Variants in NCK1 observed in about 807,000 individuals in gnomAD.
NCK1 encodes the protein SH2/SH3 adapter protein NCK1.
NCK1 carries 19 observed loss-of-function variants against 36.6 expected under a neutral mutation model. The observed-to-expected ratio is 0.52, with a 90% CI of 0.36 to 0.76. The LOEUF is 0.76. Ranked by LOEUF, NCK1 falls within the 30% of genes least tolerant of loss-of-function variation. NCK1 has a pLI of 0.00. For synonymous variants in NCK1, 165 were observed against 156.0 expected (o/e 1.06, Z -0.43); for missense variants, 358 against 445.6 (o/e 0.80, Z 1.77).
intron 1 of NCK1, among the ~76,000 whole-genome samples, chr3:136,881,865 G>A (rs1358595862): frequency 6.6e-6 from 1 of 152,084 alleles, no homozygotes; most frequent in Non-Finnish European, 1.5e-5. Context: ...TTTCTTCCTT[G>A]TTAAGGCTGA....
At position 136,909,261 on chromosome 3, in the gene NCK1, T is replaced by C. The variant is rs150147149; in HGVS notation, c.-18-18723T>C. ...GGGAGTCACTGACTACTCAGAGATA[T>C]CTAGGCAAATGGTGCAAAGAAAATA... is the stretch of plus-strand genomic sequence containing the variant. On this transcript the variant is annotated intron_variant, in intron 1 of 3. Transcript: ENST00000481752. Among the ~76,000 whole-genome samples, 4 of 152,138 alleles carry C rather than the reference T, an allele frequency of 2.6e-5. No homozygotes were observed. In the East Asian group the frequency reaches 7.7e-4, roughly 29 times the overall value.
chr3:136,899,433 T>TTTTA, intron 1 of NCK1: 1 of 278,400 alleles, frequency 3.6e-6, no homozygotes, highest in Non-Finnish European at 7.2e-6. Flanking sequence ...TTTTTTTTTT[T>TTTTA]AAATTTCTTT....
intron 2 of NCK1, among the ~76,000 whole-genome samples, chr3:136,944,704 G>T (rs573217518): frequency 6.6e-6 from 1 of 152,184 alleles, no homozygotes; most frequent in Non-Finnish European, 1.5e-5. Flanking sequence ...CGAGAGTGAG[G>T]ATAATGAGAG....
intron 1 of NCK1, among the ~76,000 whole-genome samples, chr3:136,880,325 C>G (rs2108077049): frequency 6.6e-6 from 1 of 151,886 alleles, no homozygotes; most frequent in East Asian, 1.9e-4. Context: ...GAAGTGGGGT[C>G]TTTACAGAGG....
chr3:136,943,369 A>G (rs887927651), intron 2 of NCK1, among the ~76,000 whole-genome samples: 31 of 152,178 alleles, frequency 2.0e-4, no homozygotes, highest in Non-Finnish European at 1.9e-4. Context: ...AGACTGGATT[A>G]TTTTTATTTG....
At chr3:136,867,103 T>C (rs1265120024) in intron 1 of NCK1, among the ~76,000 whole-genome samples, 2 of 23,750 alleles carry the variant, frequency 8.4e-5, no homozygotes, top group East Asian at 1.6e-3. Context: ...TTTCTTTCTT[T>C]CTTTCTTTCT....
chr3:136,862,813 GC>G (rs1462562335), intron 1 of NCK1, among the ~76,000 whole-genome samples: 1 of 152,254 alleles, frequency 6.6e-6, no homozygotes, highest in Non-Finnish European at 1.5e-5. Context: ...GGAGGCGTCA[GC>G]CTGCGCGGTG....
intron 1 of NCK1, among the ~76,000 whole-genome samples, chr3:136,904,002 T>A (rs913942629): frequency 6.6e-6 from 1 of 152,166 alleles, no homozygotes; most frequent in Non-Finnish European, 1.5e-5. Flanking sequence ...TGTAGGACTT[T>A]CTTAAGCATT....
intron 1 of NCK1, among the ~76,000 whole-genome samples, chr3:136,889,564 G>A (rs992766185): frequency 6.6e-6 from 1 of 151,988 alleles, no homozygotes; most frequent in African/African-American, 2.4e-5. Flanking sequence ...CTGCTGGCTC[G>A]GGCAGCCTGC....
chr3:136,946,687 G>T (rs2108154769), intron 3 of NCK1, among the ~76,000 whole-genome samples: 1 of 151,686 alleles, frequency 6.6e-6, no homozygotes, highest in South Asian at 2.1e-4. Flanking sequence ...GTGTAAGAAG[G>T]TAGTCACTGT....
rs1940789400 is a variant in NCK1 at position 136,945,534 on chromosome 3, T to A, written c.227-49T>A. 4.6e-6 allele frequency: 6 copies of A among 1,310,844 alleles called. No homozygotes were observed. The East Asian group carries it at 9.3e-5, about 20-fold the overall frequency. The allele number at this position is 1,310,844 out of a possible 1,614,324, so 81.2% of individuals were successfully genotyped here. Reference sequence around the variant, plus strand: ...ATAATGAATAAGTTCATTCTTTTGGTAATCATTTTTTTATATTCTCCTCTC... The same window carrying A: ...ATAATGAATAAGTTCATTCTTTTGGAAATCATTTTTTTATATTCTCCTCTC... On this transcript the variant is annotated intron_variant, in intron 2 of 3. Transcript: ENST00000481752.
chr3:136,884,174 A>C (rs1939015674), intron 1 of NCK1, among the ~76,000 whole-genome samples: 1 of 152,090 alleles, frequency 6.6e-6, no homozygotes, highest in Non-Finnish European at 1.5e-5. Context: ...GTGGAAGGAA[A>C]ATGAGGAGCC....
At chr3:136,946,440 T>A (rs979248658) in intron 3 of NCK1, 145 bp downstream of exon 3, 7 of 679,302 alleles carry the variant, frequency 1.0e-5, no homozygotes, top group Non-Finnish European at 1.5e-5. Flanking sequence ...GTTCCAAAGC[T>A]AAAGTCCGCA....
chr3:136,951,154 A>C lies in NCK1; in HGVS notation c.*2701A>C, dbSNP rs1940961422. Among the ~76,000 whole-genome samples, 1 of 152,216 alleles carries C rather than the reference A, an allele frequency of 6.6e-6. No homozygotes were observed. The highest frequency in any genetic ancestry group is 2.4e-5 in the African/African-American group (1 of 41,446). The stretch of plus-strand genomic sequence containing the variant: ...GTTGTTAGAATAAGGTCATTCTTGC[A>C]GAATATGGCACTTAAATTATCTCCA... On this transcript the variant is annotated 3_prime_UTR_variant, in exon 4 of 4. Coordinates refer to ENST00000481752, the MANE Select transcript of NCK1 (RefSeq NM_001291999.2).
rs2108129926 is a variant in NCK1, at chr3:136,928,208, A to G, written c.207A>G (p.Lys69=). The G allele has an allele frequency of 6.2e-7, 1 of 1,613,398 alleles. No homozygotes were observed. The highest frequency in any genetic ancestry group is 8.5e-7 in the Non-Finnish European group (1 of 1,179,888). Residue 69 remains lysine (K), a synonymous_variant, in exon 2 of 4, where the codon AAA becomes AAG. Transcript: ENST00000481752. ...KNSARKASIV[K]NLKDTLGIGK... ...GTGCTCGGAAAGCATCTATTGTGAA[A>G]AACCTAAAGGATACCTTAGGTAAGA... is the stretch of plus-strand genomic sequence containing the variant.
chr3:136,926,704 A>G (rs978516578), intron 1 of NCK1, among the ~76,000 whole-genome samples: 1 of 152,230 alleles, frequency 6.6e-6, no homozygotes, highest in Non-Finnish European at 1.5e-5. Context: ...TCAAAATTCA[A>G]TATGATTTCT....
chr3:136,889,690 C>G (rs1939183293), intron 1 of NCK1, among the ~76,000 whole-genome samples: 1 of 152,058 alleles, frequency 6.6e-6, no homozygotes, highest in Admixed American at 6.5e-5. Flanking sequence ...CCAAAGTTCT[C>G]CACCTCCCCA....
intron 1 of NCK1, among the ~76,000 whole-genome samples, chr3:136,913,876 G>A (rs1356183389): frequency 6.6e-6 from 1 of 152,174 alleles, no homozygotes; most frequent in African/African-American, 2.4e-5. Flanking sequence ...CACCGTGTTA[G>A]CCAGGATGGT....
At chr3:136,923,100 T>C (rs1054645562) in intron 1 of NCK1, among the ~76,000 whole-genome samples, 1 of 145,908 alleles carries the variant, frequency 6.9e-6, no homozygotes, top group South Asian at 2.2e-4. Flanking sequence ...TCTATGCCTA[T>C]GTGTATGTGT....
Sources: allele counts gnomAD v4.1 joint callset (sites outside exome capture counted in the v4.1 genomes callset), GRCh38; gene constraint gnomAD v4.1.1; transcripts MANE v1.5; gene names NCBI Gene and HGNC (gene_info 2026-07-23, HGNC 2026-07-21).